CHD8: variants seen among roughly 807,000 people sequenced by gnomAD.
CHD8 encodes chromodomain helicase DNA binding protein 8.
In CHD8, 31 loss-of-function variants were observed where a neutral mutation model predicts 279.2. That is an observed-to-expected ratio of 0.11 (90% CI 0.08 to 0.15). The LOEUF is 0.15. Ranked by LOEUF, CHD8 falls within the 10% of genes least tolerant of loss-of-function variation. The pLI, the probability that CHD8 is intolerant of heterozygous loss-of-function variation, is 1.00. For synonymous variants in CHD8, 1,081 were observed against 1,139.6 expected (o/e 0.95, Z 1.04); for missense variants, 2,146 against 3,230.5 (o/e 0.66, Z 8.14).
intron 1 of CHD8, among the ~76,000 whole-genome samples, chr14:21,434,832 C>CT (rs34534064): frequency 2.6e-5 from 4 of 152,122 alleles, no homozygotes; most frequent in African/African-American, 9.7e-5. Context: ...ATACATCTAA[C>CT]TTTTTTTAAC....
intron 5 of CHD8, chr14:21,419,872 CA>C: frequency 1.1e-5 from 4 of 357,978 alleles, no homozygotes; most frequent in Non-Finnish European, 2.3e-5. Flanking sequence ...GATGAGCCCC[CA>C]AAAGAAGCCA....
At chr14:21,428,624 G>A (rs890993000) in intron 3 of CHD8, among the ~76,000 whole-genome samples, 1 of 152,076 alleles carries the variant, frequency 6.6e-6, no homozygotes, top group African/African-American at 2.4e-5. Context: ...GAGAGGGGAG[G>A]ACTGATCACT....
At chr14:21,388,958 T>C (rs1330547899) in intron 37 of CHD8, among the ~76,000 whole-genome samples, 3 of 152,216 alleles carry the variant, frequency 2.0e-5, no homozygotes, top group African/African-American at 7.2e-5. Flanking sequence ...TGCTAATCCA[T>C]TTTAAATGAC....
intron 1 of CHD8, among the ~76,000 whole-genome samples, chr14:21,452,648 A>C (rs945851920): frequency 1.4e-5 from 2 of 138,940 alleles, no homozygotes; most frequent in Non-Finnish European, 3.0e-5. Flanking sequence ...GTCTCAAAAG[A>C]AAAAAAAAAA....
chr14:21,408,478 T>C lies in CHD8; in HGVS notation c.2564A>G (p.Asn855Ser), dbSNP rs1446566797. The C allele has an allele frequency of 6.2e-7, 1 of 1,613,990 alleles. No homozygotes were observed. The highest frequency in any genetic ancestry group is 8.5e-7 in the Non-Finnish European group (1 of 1,179,880). ...CAAGAAGGGACCATGGATGCCCACA[T>C]TATATACTTCCTGCAAGAAGGCAAT... Reference protein sequence around the residue: ...QSIAFLQEVYNVGIHGPFLVI... With the variant: ...QSIAFLQEVYSVGIHGPFLVI... The change falls in exon 13 of 38, where the codon AAT (asparagine) becomes AGT (serine). Residue 855 changes from asparagine (N) to serine (S), a missense_variant. Transcript: ENST00000646647. This position sits in a 1 kb window ranked among gnomAD's most constrained non-coding sequence, Gnocchi z 4.3.
Position 21,403,112 on chromosome 14 carries a change from G to A in CHD8, c.3619C>T (p.Leu1207=). The change falls in exon 18 of 38, where the codon CTG becomes TTG. Residue 1207 remains leucine, a synonymous_variant. Transcript: ENST00000646647. The surrounding 1 kb of genome is among the most constrained non-coding windows in gnomAD (Gnocchi z 4.3). ...KPDSDRFVFL[L]CTRAGGLGIN... The stretch of plus-strand genomic sequence containing the variant: ...CCAAGTCCACCAGCCCGGGTACACA[G>A]TAAGAAGACAAAGCGGTCTGAGTCA... The A allele has an allele frequency of 6.2e-7, 1 of 1,614,048 alleles. No homozygotes were observed. Among genetic ancestry groups the A allele is most frequent in the South Asian group, 1.1e-5 (1 of 91,086 alleles).
intron 1 of CHD8, among the ~76,000 whole-genome samples, chr14:21,445,512 C>T (rs190895337): frequency 2.0e-4 from 31 of 151,602 alleles, no homozygotes; most frequent in Admixed American, 3.9e-4. Flanking sequence ...TGGTGAAACC[C>T]CATCTCTACT....
chr14:21,392,119 TC>T (rs1188448933), intron 34 of CHD8, 173 bp from the exon 35 acceptor site: 1 of 762,786 alleles, frequency 1.3e-6, no homozygotes, highest in Non-Finnish European at 2.4e-6. Context: ...ACACACTTTT[TC>T]CTTAGAAAGA....
At chr14:21,413,050 C>A (rs1351681044) in intron 9 of CHD8, 54 bp from the exon 10 acceptor site, 1 of 1,041,324 alleles carries the variant, frequency 9.6e-7, no homozygotes, top group Non-Finnish European at 1.5e-6. Context: ...GTCCAGTAAA[C>A]CCACTCCTCT....
intron 27 of CHD8, 59 bp downstream of exon 27, chr14:21,397,764 G>A (rs1178733943): frequency 6.4e-7 from 1 of 1,564,128 alleles, no homozygotes; most frequent in Non-Finnish European, 8.8e-7. Flanking sequence ...GTTCAGTCAA[G>A]GCTAGAGTTA....
intron 16 of CHD8, among the ~76,000 whole-genome samples, chr14:21,404,098 TA>T (rs112420804): frequency 0.024 from 3,215 of 131,792 alleles, 65 homozygotes; most frequent in African/African-American, 0.067. Context: ...GACTCCACCT[TA>T]AAAAAAAAAA....
At chr14:21,447,757 T>TC (rs983070772) in intron 1 of CHD8, among the ~76,000 whole-genome samples, 3 of 151,748 alleles carry the variant, frequency 2.0e-5, no homozygotes, top group African/African-American at 7.3e-5. Flanking sequence ...ATTTTTTTTT[T>TC]CCCAGTAAAC....
intron 30 of CHD8, 84 bp from the exon 31 acceptor site, chr14:21,394,569 T>G: frequency 1.7e-6 from 1 of 589,842 alleles, no homozygotes; most frequent in South Asian, 4.3e-5. Context: ...TAATGTGTTT[T>G]AGAATATCTG....
intron 5 of CHD8, among the ~76,000 whole-genome samples, chr14:21,422,950 C>T (rs1475311140): frequency 6.6e-6 from 1 of 151,356 alleles, no homozygotes; most frequent in Non-Finnish European, 1.5e-5. Flanking sequence ...AGGCCAGGCA[C>T]GTGGCTCACG....
intron 5 of CHD8, among the ~76,000 whole-genome samples, chr14:21,424,858 C>T (rs976146317): frequency 9.2e-5 from 14 of 152,108 alleles, no homozygotes; most frequent in African/African-American, 3.4e-4. Context: ...AGAGGGGAGG[C>T]ACTTATAAAT....
intron 1 of CHD8, among the ~76,000 whole-genome samples, chr14:21,454,407 T>G (rs958960487): frequency 2.0e-5 from 3 of 152,158 alleles, no homozygotes; most frequent in African/African-American, 7.2e-5. Context: ...AATCTCCACC[T>G]CCAGGGTTCA....
chr14:21,386,546 A>T (rs761315243), intron 37 of CHD8, among the ~76,000 whole-genome samples: 8 of 152,218 alleles, frequency 5.3e-5, no homozygotes, highest in Admixed American at 1.3e-4. Context: ...ACATAAAAAA[A>T]ATCACTTGTG....
At chr14:21,435,576 A>G (rs1472720022) in intron 1 of CHD8, among the ~76,000 whole-genome samples, 4 of 152,120 alleles carry the variant, frequency 2.6e-5, no homozygotes, top group Admixed American at 6.6e-5. Flanking sequence ...ATTCTACCCT[A>G]TATTTTTCCA....
At chr14:21,406,616 G>A (rs1343155466) in intron 14 of CHD8, among the ~76,000 whole-genome samples, 2 of 152,152 alleles carry the variant, frequency 1.3e-5, no homozygotes, top group African/African-American at 2.4e-5. Context: ...ATTTTGTTAT[G>A]CAGTAATAAT....
Sources: gnomAD v4.1 joint callset for allele counts (sites outside exome capture counted in the v4.1 genomes callset) on GRCh38, gnomAD v4.1.1 for gene constraint, Gnocchi (gnomAD v3.1) non-coding constraint, MANE v1.5 for transcripts, NCBI Gene and HGNC (gene_info 2026-07-23, HGNC 2026-07-21) for gene names.